The following NUDT5 variants were observed in gnomAD, a reference collection of about 807,000 sequenced individuals.
NUDT5 encodes the protein ADP-sugar pyrophosphatase.
Under a neutral mutation model 34.1 loss-of-function variants are expected in NUDT5, and 21 were observed. The ratio of observed to expected loss-of-function variants is 0.62; its 90% CI spans 0.44 to 0.89. The LOEUF (loss-of-function observed/expected upper bound fraction) is 0.89. NUDT5 is among the 40% of genes least tolerant of loss of function. The pLI is 0.00. For synonymous variants in NUDT5, 85 were observed against 97.6 expected (o/e 0.87, Z 0.76); for missense variants, 249 against 274.8 (o/e 0.91, Z 0.66).
rs1266973959 is a variant in NUDT5 at position 12,168,964 on chromosome 10, T to C, written c.551-1153A>G. Among the ~76,000 whole-genome samples the C allele has an allele frequency of 6.6e-6, 1 of 152,112 alleles. No individual in the cohort carries two copies. On this transcript the variant is annotated intron_variant, in intron 9 of 9. Transcript: ENST00000491614. The surrounding 1 kb of genome is among the most constrained non-coding windows in gnomAD (Gnocchi z 4.8). ...TTTTAGTAGAGATGGGGTTTTACTA[T>C]GTTGGCCAGGCTGGTCTGGAGCTCC... is the stretch of plus-strand genomic sequence containing the variant.
chr10:12,195,243 A>T (rs1835314142), intron 1 of NUDT5, among the ~76,000 whole-genome samples: 1 of 152,210 alleles, frequency 6.6e-6, no homozygotes, highest in Non-Finnish European at 1.5e-5. Context: ...ACAGGAGTGA[A>T]GCAAAGGAAA....
intron 3 of NUDT5, among the ~76,000 whole-genome samples, chr10:12,184,243 C>T (rs542656154): frequency 9.9e-5 from 15 of 152,224 alleles, no homozygotes; most frequent in Non-Finnish European, 1.8e-4. Context: ...GATGGGGTTT[C>T]GCCATGTTGC....
Position 12,187,531 on chromosome 10 carries a change from C to T in NUDT5, c.-41-1199G>A, listed in dbSNP as rs1835150031. Among the ~76,000 whole-genome samples, 3 of 152,182 alleles carry T rather than the reference C, an allele frequency of 2.0e-5. No homozygotes were observed. Among genetic ancestry groups the T allele is most frequent in the African/African-American group, 4.8e-5 (2 of 41,426 alleles). ...TCAAAGTCTTTTTTTCTTACCCACA[C>T]ACATGGTTGTTAATTCAGCTGTATA... On this transcript the variant is annotated intron_variant, in intron 1 of 9. Transcript: ENST00000491614. This position sits in a 1 kb window ranked among gnomAD's most constrained non-coding sequence, Gnocchi z 5.4.
intron 4 of NUDT5, among the ~76,000 whole-genome samples, chr10:12,178,246 G>A (rs59968029): frequency 0.035 from 5,397 of 152,222 alleles, 296 homozygotes; most frequent in African/African-American, 0.12. Flanking sequence ...CCTACCACTG[G>A]TGAGGCCACA....
In NUDT5 at chr10:12,181,333, T is replaced by C. The variant is rs1413300855; in HGVS notation, c.132-2201A>G. 6.6e-6 allele frequency among the ~76,000 whole-genome samples: 1 copy of C among 152,202 alleles called. No homozygotes were observed. Among genetic ancestry groups the C allele is most frequent in the Admixed American group, 6.5e-5 (1 of 15,286 alleles). On this transcript the variant is annotated intron_variant, in intron 3 of 9. Transcript: ENST00000491614. This position sits in a 1 kb window ranked among gnomAD's most constrained non-coding sequence, Gnocchi z 5.0. ...ACTTCAGCATCTGTGGATTTTGGTATCTGCAGGGGGTCCTGGAACCAACCC... is the reference window on the plus strand; with the variant it reads ...ACTTCAGCATCTGTGGATTTTGGTACCTGCAGGGGGTCCTGGAACCAACCC...
rs959498512 is a variant in NUDT5 at position 12,187,244 on chromosome 10, G to A, written c.-41-912C>T. Reference sequence around the variant, plus strand: ...AGGTGGGGTCTCACTATGTTTCACAGGCTGGTCTCAGACTCCCGGGCTCAA... The same window carrying A: ...AGGTGGGGTCTCACTATGTTTCACAAGCTGGTCTCAGACTCCCGGGCTCAA... On this transcript the variant is annotated intron_variant, in intron 1 of 9. Coordinates refer to ENST00000491614, the MANE Select transcript of NUDT5 (RefSeq NM_014142.4). This position sits in a 1 kb window ranked among gnomAD's most constrained non-coding sequence, Gnocchi z 5.4. Among the ~76,000 whole-genome samples, 3 of 151,838 alleles carry A rather than the reference G, an allele frequency of 2.0e-5. No individual in the cohort carries two copies. The highest frequency in any genetic ancestry group is 7.3e-5 in the African/African-American group (3 of 41,342).
chr10:12,193,845 T>C (rs1835279159), intron 1 of NUDT5, among the ~76,000 whole-genome samples: 1 of 152,038 alleles, frequency 6.6e-6, no homozygotes, highest in Non-Finnish European at 1.5e-5. Context: ...ATTAAAGCTT[T>C]GCAACTGCCT....
chr10:12,170,684 G>T lies in NUDT5; in HGVS notation c.550+33C>A. 6.2e-7 allele frequency: 1 copy of T among 1,607,660 alleles called. No homozygotes were observed. The highest frequency in any genetic ancestry group is 1.1e-5 in the South Asian group (1 of 90,926). On this transcript the variant is annotated intron_variant, in intron 9 of 9. Transcript: ENST00000491614. The surrounding 1 kb of genome is among the most constrained non-coding windows in gnomAD (Gnocchi z 4.9). Reference sequence around the variant, plus strand: ...GCTGGGATGGGGACGGGGAGAACTGGAGAAACTGGGTGGCGGTCTGGAGAA... The same window carrying T: ...GCTGGGATGGGGACGGGGAGAACTGTAGAAACTGGGTGGCGGTCTGGAGAA...
In NUDT5 at chr10:12,175,126, C is replaced by T. The variant is rs2131703568; in HGVS notation, c.290-1313G>A. On this transcript the variant is annotated intron_variant, in intron 5 of 9. Coordinates refer to ENST00000491614, the MANE Select transcript of NUDT5 (RefSeq NM_014142.4). The surrounding 1 kb of genome is among the most constrained non-coding windows in gnomAD (Gnocchi z 4.8). ...CCTGAGGTCAGGGGTTCGAGACCAGCCTGGCCAACATGGTGAAACCCTGTC... is the reference window on the plus strand; with the variant it reads ...CCTGAGGTCAGGGGTTCGAGACCAGTCTGGCCAACATGGTGAAACCCTGTC... Among the ~76,000 whole-genome samples the T allele has an allele frequency of 6.6e-6, 1 of 152,152 alleles. No individual in the cohort carries two copies. The highest frequency in any genetic ancestry group is 1.5e-5 in the Non-Finnish European group (1 of 67,998).
At chr10:12,172,183 A>G (rs1269508551) in intron 7 of NUDT5, among the ~76,000 whole-genome samples, 1 of 152,232 alleles carries the variant, frequency 6.6e-6, no homozygotes, top group Admixed American at 6.5e-5. Flanking sequence ...CGGAATTGAC[A>G]GAGACATCAC....
At chr10:12,185,486 C>T (rs111251038) in intron 2 of NUDT5, among the ~76,000 whole-genome samples, 6 of 152,322 alleles carry the variant, frequency 3.9e-5, no homozygotes, top group African/African-American at 1.4e-4. Context: ...CAGATGGACA[C>T]CCCAGGTTCG....
At chr10:12,167,950 T>C in intron 9 of NUDT5, 139 bp from the exon 10 acceptor site, 1 of 1,417,470 alleles carries the variant, frequency 7.1e-7, no homozygotes. Flanking sequence ...TTTTTTGGTC[T>C]ATAAGGATCT....
Position 12,169,208 on chromosome 10 carries a change from C to T in NUDT5, c.551-1397G>A, listed in dbSNP as rs1834789758. 4.8e-6 allele frequency: 6 copies of T among 1,254,566 alleles called. No homozygotes were observed. The highest frequency in any genetic ancestry group is 6.8e-6 in the Non-Finnish European group (6 of 883,302). The allele number at this position is 1,254,566 out of a possible 1,614,324, so 77.7% of individuals were successfully genotyped here. On this transcript the variant is annotated intron_variant, in intron 9 of 9. Transcript: ENST00000491614. The surrounding 1 kb of genome is among the most constrained non-coding windows in gnomAD (Gnocchi z 4.8). Reference sequence around the variant, plus strand: ...CCTCCTCCTTTATAGCCATAGTAGCCCTCTCTCCACCTCCCCTCACTTATT... The same window carrying T: ...CCTCCTCCTTTATAGCCATAGTAGCTCTCTCTCCACCTCCCCTCACTTATT...
Position 12,172,752 on chromosome 10 carries a change from G to T in NUDT5, c.487+13C>A. 2 of 1,594,642 alleles carry T rather than the reference G, an allele frequency of 1.3e-6. No individual in the cohort carries two copies. The highest frequency in any genetic ancestry group is 1.7e-5 in the Admixed American group (1 of 59,982). On this transcript the variant is annotated intron_variant, in intron 7 of 9. Coordinates refer to ENST00000491614, the MANE Select transcript of NUDT5 (RefSeq NM_014142.4). Reference sequence around the variant, plus strand: ...CAACCACACCACCTTCATCACAGCCGACACACACATACCTGGCTTTGGCTT... The same window carrying T: ...CAACCACACCACCTTCATCACAGCCTACACACACATACCTGGCTTTGGCTT...
At chr10:12,189,620 G>A (rs71479392) in intron 1 of NUDT5, among the ~76,000 whole-genome samples, 213 of 152,286 alleles carry the variant, frequency 1.4e-3, no homozygotes, top group Non-Finnish European at 2.3e-3. Flanking sequence ...TTCAAAAGCA[G>A]AAGCCAAATA....
At chr10:12,186,062 C>A (rs1431993621) in intron 2 of NUDT5, among the ~76,000 whole-genome samples, 167 bp downstream of exon 2, 1 of 152,156 alleles carries the variant, frequency 6.6e-6, no homozygotes, top group Non-Finnish European at 1.5e-5. Context: ...ACACACTACT[C>A]CTCCCACACA....
chr10:12,166,190 G>A lies in NUDT5; in HGVS notation c.*1512C>T, dbSNP rs1324548782. ...GCTGCAGAGGTCATTCCCATGGGGAGTGGCTGGGGAGGAACTGGGCTATGT... is the reference window on the plus strand; with the variant it reads ...GCTGCAGAGGTCATTCCCATGGGGAATGGCTGGGGAGGAACTGGGCTATGT... On this transcript the variant is annotated 3_prime_UTR_variant, in exon 10 of 10. Coordinates refer to ENST00000491614, the MANE Select transcript of NUDT5 (RefSeq NM_014142.4). The A allele has an allele frequency of 6.6e-6, 1 of 152,560 alleles. No individual in the cohort carries two copies. Among genetic ancestry groups the A allele is most frequent in the East Asian group, 1.9e-4 (1 of 5,200 alleles). 9.5% of individuals were successfully genotyped at this position (152,560 alleles called of 1,614,324 possible).
chr10:12,194,077 A>G (rs1239744975), intron 1 of NUDT5, among the ~76,000 whole-genome samples: 1 of 152,198 alleles, frequency 6.6e-6, no homozygotes. Context: ...GGGTTTCGCC[A>G]TGTTGGACAG....
chr10:12,177,441 C>T (rs1418556005), intron 5 of NUDT5, among the ~76,000 whole-genome samples: 1 of 152,108 alleles, frequency 6.6e-6, no homozygotes, highest in African/African-American at 2.4e-5. Flanking sequence ...ATTGCTTGAA[C>T]CCAGGAGGCG....
Sources: allele counts gnomAD v4.1 joint callset (sites outside exome capture counted in the v4.1 genomes callset), GRCh38; gene constraint gnomAD v4.1.1; non-coding constraint Gnocchi (gnomAD v3.1); transcripts MANE v1.5; gene names NCBI Gene and HGNC (gene_info 2026-07-23, HGNC 2026-07-21).